Variants in GGACT observed in about 807,000 individuals in gnomAD.
The protein encoded by GGACT is gamma-glutamylaminecyclotransferase.
For missense variants in GGACT, 241 were observed against 233.2 expected (o/e 1.03, Z -0.22); for synonymous variants, 118 against 115.3 (o/e 1.02, Z -0.15).
chr13:100,548,159 A>G (rs2088625772), intron 2 of GGACT, among the ~76,000 whole-genome samples: 1 of 152,254 alleles, frequency 6.6e-6, no homozygotes, highest in Admixed American at 6.5e-5. Flanking sequence ...CAACTCCGGC[A>G]GAAGGCAAGG....
At chr13:100,555,705 C>T (rs1305202584) in intron 2 of GGACT, among the ~76,000 whole-genome samples, 1 of 152,010 alleles carries the variant, frequency 6.6e-6, no homozygotes, top group African/African-American at 2.4e-5. Context: ...AAATTACAGG[C>T]CACTGTCCAT....
At chr13:100,565,292 G>T (rs58398262) in intron 2 of GGACT, among the ~76,000 whole-genome samples, 3,512 of 152,276 alleles carry the variant, frequency 0.023, 138 homozygotes, top group African/African-American at 0.08. Flanking sequence ...CATGCTGAAA[G>T]ATCAGAGTGT....
At chr13:100,573,343 A>G (rs550348938) in intron 2 of GGACT, among the ~76,000 whole-genome samples, 1 of 152,332 alleles carries the variant, frequency 6.6e-6, no homozygotes, top group African/African-American at 2.4e-5. Context: ...ATGTGCATAT[A>G]TGTGACTTCA....
chr13:100,561,054 G>A lies in GGACT; in HGVS notation c.-11+22771C>T, dbSNP rs139306437. Among the ~76,000 whole-genome samples, 465 of 152,176 alleles carry A rather than the reference G, an allele frequency of 3.1e-3. 2 individuals are homozygous for A. The highest frequency in any genetic ancestry group is 0.01 in the African/African-American group (430 of 41,520). On this transcript the variant is annotated intron_variant, in intron 2 of 2. Coordinates refer to ENST00000683975, the MANE Select transcript of GGACT (RefSeq NM_001195087.2). ...CCCAGGAACACGTGCCTCTTCCCCC[G>A]GCTCCTGACTACATTCATGGTGAAG... is the stretch of plus-strand genomic sequence containing the variant.
chr13:100,571,839 T>C (rs1427775839), intron 2 of GGACT, among the ~76,000 whole-genome samples: 2 of 152,220 alleles, frequency 1.3e-5, no homozygotes, highest in Non-Finnish European at 2.9e-5. Context: ...TTACTCCCTC[T>C]GAGAGAAGGA....
In GGACT at chr13:100,545,593, T is replaced by G. The variant is rs1416163068; in HGVS notation, c.-10-12992A>C. Among the ~76,000 whole-genome samples, 1 of 152,262 alleles carries G rather than the reference T, an allele frequency of 6.6e-6. No homozygotes were observed. Among genetic ancestry groups the G allele is most frequent in the Non-Finnish European group, 1.5e-5 (1 of 68,048 alleles). Reference sequence around the variant, plus strand: ...GCACACCCTGGGCTGCCTGCCTGCCTGGCATGTGCCATGGAACTGGCACTC... The same window carrying G: ...GCACACCCTGGGCTGCCTGCCTGCCGGGCATGTGCCATGGAACTGGCACTC... On this transcript the variant is annotated intron_variant, in intron 2 of 2. Transcript: ENST00000683975. The surrounding 1 kb of genome is among the most constrained non-coding windows in gnomAD (Gnocchi z 4.4).
chr13:100,547,835 C>G (rs1454787379), intron 2 of GGACT, among the ~76,000 whole-genome samples: 5 of 152,266 alleles, frequency 3.3e-5, no homozygotes, highest in Non-Finnish European at 5.9e-5. Context: ...CCAGGGCCTT[C>G]TCTGCCCACC....
chr13:100,556,586 C>T (rs764697281), intron 2 of GGACT, among the ~76,000 whole-genome samples: 4 of 151,406 alleles, frequency 2.6e-5, no homozygotes, highest in Non-Finnish European at 5.9e-5. Context: ...AATGAAAATC[C>T]CAGGGGTTTT....
chr13:100,550,337 CACACACACACACA>C (rs1566532480), intron 2 of GGACT, among the ~76,000 whole-genome samples: 6 of 133,354 alleles, frequency 4.5e-5, no homozygotes, highest in African/African-American at 1.4e-4. Flanking sequence ...CACACACACA[CACACACACACACA>C]CACACCACTG....
intron 2 of GGACT, among the ~76,000 whole-genome samples, chr13:100,553,026 G>A (rs1401328975): frequency 6.6e-6 from 1 of 152,152 alleles, no homozygotes; most frequent in Non-Finnish European, 1.5e-5. Flanking sequence ...GGGGACGGTG[G>A]GCTGTTGGGG....
At chr13:100,548,860 G>T (rs555183464) in intron 2 of GGACT, among the ~76,000 whole-genome samples, 1 of 152,362 alleles carries the variant, frequency 6.6e-6, no homozygotes, top group South Asian at 2.1e-4. Context: ...GGGACACAGG[G>T]TCCACAGGAG....
At position 100,540,519 on chromosome 13, in the gene GGACT, C is replaced by T. The variant is rs76014803; in HGVS notation, c.-10-7918G>A. The stretch of plus-strand genomic sequence containing the variant: ...TTTTAGTTATTTAGATCTTTTCTCT[C>T]TTTTTATTTAAGTTAAAGGTCTGTC... On this transcript the variant is annotated intron_variant, in intron 2 of 2. Transcript: ENST00000683975. Among the ~76,000 whole-genome samples the T allele has an allele frequency of 9.6e-3, 1,462 of 152,296 alleles. 10 individuals are homozygous for T. Among genetic ancestry groups the T allele is most frequent in the Non-Finnish European group, 0.017 (1,186 of 68,016 alleles).
chr13:100,541,634 T>C (rs948948942), intron 2 of GGACT: 1 of 152,048 alleles, frequency 6.6e-6, no homozygotes, highest in African/African-American at 2.4e-5. Flanking sequence ...GCATATCGAG[T>C]AGTGGTTGTG....
rs146669834 is a variant in GGACT at position 100,566,018 on chromosome 13, C to T, written c.-11+17807G>A. 4.5e-4 allele frequency among the ~76,000 whole-genome samples: 69 copies of T among 152,052 alleles called. 3 individuals are homozygous for T. In the East Asian group the frequency reaches 0.013, roughly 29 times the overall value. Reference sequence around the variant, plus strand: ...TATGAGCATTTCCATGGAGATGCCACGTAGAGAAGAAGTGAGGTCTCCACC... The same window carrying T: ...TATGAGCATTTCCATGGAGATGCCATGTAGAGAAGAAGTGAGGTCTCCACC... On this transcript the variant is annotated intron_variant, in intron 2 of 2. Coordinates refer to ENST00000683975, the MANE Select transcript of GGACT (RefSeq NM_001195087.2).
intron 2 of GGACT, among the ~76,000 whole-genome samples, chr13:100,579,698 T>C (rs1215404363): frequency 6.6e-6 from 1 of 152,192 alleles, no homozygotes; most frequent in East Asian, 1.9e-4. Context: ...CACACCCTTT[T>C]TTCCAAATGA....
At chr13:100,587,474 T>C (rs1283886291) in intron 1 of GGACT, among the ~76,000 whole-genome samples, 1 of 152,206 alleles carries the variant, frequency 6.6e-6, no homozygotes, top group Non-Finnish European at 1.5e-5. Context: ...GTGGTCTGCT[T>C]ATTCAGGGAA....
chr13:100,550,298 CTACACACACACA>C (rs1432117060), intron 2 of GGACT, among the ~76,000 whole-genome samples: 2 of 126,038 alleles, frequency 1.6e-5, no homozygotes, highest in African/African-American at 6.3e-5. Flanking sequence ...CGATTATACT[CTACACACACACA>C]CACACACACA....
At chr13:100,555,251 ATGGTAACTCATGCC>A (rs1199579042) in intron 2 of GGACT, among the ~76,000 whole-genome samples, 1 of 152,220 alleles carries the variant, frequency 6.6e-6, no homozygotes, top group Non-Finnish European at 1.5e-5. Context: ...ACAGCCAGGC[ATGGTAACTCATGCC>A]TGTAATCCCA....
At chr13:100,561,060 T>C (rs1217546023) in intron 2 of GGACT, among the ~76,000 whole-genome samples, 1 of 152,208 alleles carries the variant, frequency 6.6e-6, no homozygotes, top group Non-Finnish European at 1.5e-5. Context: ...CCCCGGCTCC[T>C]GACTACATTC....
Sources: allele counts gnomAD v4.1 joint callset (sites outside exome capture counted in the v4.1 genomes callset), GRCh38; gene constraint gnomAD v4.1.1; non-coding constraint Gnocchi (gnomAD v3.1); transcripts MANE v1.5; gene names NCBI Gene and HGNC (gene_info 2026-07-23, HGNC 2026-07-21).